RAPGEF6: variants seen among roughly 807,000 people sequenced by gnomAD.
The protein encoded by RAPGEF6 is PDZ domain containing guanine nucleotide exchange factor (GEF) 2.
RAPGEF6 carries 56 observed loss-of-function variants against 171.4 expected under a neutral mutation model. The observed-to-expected ratio is 0.33, with a 90% CI of 0.26 to 0.41. RAPGEF6 has a LOEUF of 0.41. RAPGEF6 is among the 10% of genes least tolerant of loss of function. The probability of loss-of-function intolerance (pLI) is 1.00; values close to 1 mark genes in which losing one functional copy is unlikely to be tolerated. For missense variants in RAPGEF6, 1,674 were observed against 1,921.4 expected (o/e 0.87, Z 2.41); for synonymous variants, 692 against 650.1 (o/e 1.06, Z -0.98).
intron 9 of RAPGEF6, among the ~76,000 whole-genome samples, chr5:131,505,867 C>A (rs1355594419): frequency 6.6e-6 from 1 of 152,160 alleles, no homozygotes; most frequent in African/African-American, 2.4e-5. Flanking sequence ...CCTCTCTGGG[C>A]CTCAGTTTCT....
At chr5:131,588,006 T>A (rs537128833) in intron 4 of RAPGEF6, among the ~76,000 whole-genome samples, 105 of 151,760 alleles carry the variant, frequency 6.9e-4, no homozygotes, top group African/African-American at 1.1e-3. Flanking sequence ...TTTTTTTTTT[T>A]AAATTTTTGT....
chr5:131,447,623 A>T (rs1752806262), intron 21 of RAPGEF6, among the ~76,000 whole-genome samples: 1 of 152,236 alleles, frequency 6.6e-6, no homozygotes, highest in Non-Finnish European at 1.5e-5. Context: ...TTATTTTGCC[A>T]TTCCAAAATA....
At chr5:131,538,407 C>T (rs1759915012) in intron 6 of RAPGEF6, among the ~76,000 whole-genome samples, 1 of 152,126 alleles carries the variant, frequency 6.6e-6, no homozygotes, top group South Asian at 2.1e-4. Flanking sequence ...TGTTACTCTA[C>T]TGAATAATGC....
At chr5:131,430,707 A>AT in intron 26 of RAPGEF6, 152 bp downstream of exon 26, 1 of 1,121,958 alleles carries the variant, frequency 8.9e-7, no homozygotes, top group Non-Finnish European at 1.3e-6. Context: ...GAAACCATGA[A>AT]TTTTTGGGAA....
intron 19 of RAPGEF6, among the ~76,000 whole-genome samples, chr5:131,459,523 A>C (rs1298372441): frequency 6.6e-6 from 1 of 152,066 alleles, no homozygotes; most frequent in Non-Finnish European, 1.5e-5. Flanking sequence ...CTCCAGCAGG[A>C]AAAAAAATAA....
Position 131,551,386 on chromosome 5 carries a change from G to A in RAPGEF6, c.352-3196C>T, listed in dbSNP as rs1017019957. ...AAATTAGCCAGGCGCGGTGGCAGGC[G>A]CTGTAATCCCAGCTACTCGGGAGGC... On this transcript the variant is annotated intron_variant, in intron 5 of 27. Coordinates refer to ENST00000509018, the MANE Select transcript of RAPGEF6 (RefSeq NM_016340.6). Among the ~76,000 whole-genome samples, 8 of 151,622 alleles carry A rather than the reference G, an allele frequency of 5.3e-5. No homozygotes were observed. The South Asian group carries it at 8.3e-4, about 16-fold the overall frequency.
At chr5:131,470,688 AAG>A (rs1754679557) in intron 17 of RAPGEF6, among the ~76,000 whole-genome samples, 1 of 152,244 alleles carries the variant, frequency 6.6e-6, no homozygotes, top group Non-Finnish European at 1.5e-5. Flanking sequence ...CACAGAGACA[AAG>A]AAATAAATTC....
At chr5:131,629,280 G>A (rs1766142374) in intron 1 of RAPGEF6, among the ~76,000 whole-genome samples, 1 of 151,742 alleles carries the variant, frequency 6.6e-6, no homozygotes, top group African/African-American at 2.4e-5. Context: ...AGGAGTTCAA[G>A]ACCAGTCCAG....
chr5:131,611,874 A>G (rs540883680), intron 1 of RAPGEF6, among the ~76,000 whole-genome samples: 4 of 152,260 alleles, frequency 2.6e-5, no homozygotes, highest in African/African-American at 9.6e-5. Context: ...TTCCCAAATT[A>G]TACACTTTCC....
chr5:131,434,746 G>A (rs1181429498), intron 24 of RAPGEF6, among the ~76,000 whole-genome samples: 1 of 152,142 alleles, frequency 6.6e-6, no homozygotes, highest in Non-Finnish European at 1.5e-5. Flanking sequence ...GTATTCTAGG[G>A]ACGCACTGAG....
intron 7 of RAPGEF6, among the ~76,000 whole-genome samples, chr5:131,519,407 TTTC>T (rs1338181037): frequency 6.6e-6 from 1 of 152,112 alleles, no homozygotes; most frequent in Admixed American, 6.5e-5. Context: ...TTTCTTGTCT[TTTC>T]TTCTTTTTTG....
intron 9 of RAPGEF6, among the ~76,000 whole-genome samples, 183 bp from the exon 10 acceptor site, chr5:131,505,705 T>C (rs1196589150): frequency 2.6e-5 from 4 of 152,346 alleles, no homozygotes; most frequent in African/African-American, 9.6e-5. Flanking sequence ...AAGTTTATTT[T>C]TACTCTTTCT....
At chr5:131,442,960 T>A (rs1752479273) in intron 22 of RAPGEF6, among the ~76,000 whole-genome samples, 1 of 151,436 alleles carries the variant, frequency 6.6e-6, no homozygotes, top group Non-Finnish European at 1.5e-5. Context: ...GCTTTTTTTT[T>A]TGTTTTTTTT....
chr5:131,531,726 AAAT>A (rs1308238110), intron 6 of RAPGEF6, among the ~76,000 whole-genome samples: 7 of 152,216 alleles, frequency 4.6e-5, no homozygotes, highest in Middle Eastern at 3.2e-3. Flanking sequence ...TATTAATGAA[AAAT>A]GTCATATAAT....
chr5:131,476,105 T>C (rs1049354533), intron 16 of RAPGEF6, among the ~76,000 whole-genome samples: 1 of 152,194 alleles, frequency 6.6e-6, no homozygotes, highest in Non-Finnish European at 1.5e-5. Flanking sequence ...ACAATCAACA[T>C]TTTGATATTT....
At chr5:131,578,203 T>C (rs1762719815) in intron 4 of RAPGEF6, among the ~76,000 whole-genome samples, 1 of 152,138 alleles carries the variant, frequency 6.6e-6, no homozygotes, top group African/African-American at 2.4e-5. Flanking sequence ...TTAACTTTTC[T>C]ACTCACTCTT....
chr5:131,535,042 A>G (rs1759673501), intron 6 of RAPGEF6, among the ~76,000 whole-genome samples: 1 of 152,128 alleles, frequency 6.6e-6, no homozygotes, highest in South Asian at 2.1e-4. Context: ...GAGAAATGCA[A>G]TCCACTAGTG....
At position 131,635,039 on chromosome 5, in the gene RAPGEF6, C is replaced by A; in HGVS notation, c.-9G>T. ...TCCACGGGTGAGTTCATGGCCACGGCCCGGGTACTCCGCAGCCTGCCCTTA... is the reference window on the plus strand; with the variant it reads ...TCCACGGGTGAGTTCATGGCCACGGACCGGGTACTCCGCAGCCTGCCCTTA... On this transcript the variant is annotated 5_prime_UTR_variant, in exon 1 of 28. Coordinates refer to ENST00000509018, the MANE Select transcript of RAPGEF6 (RefSeq NM_016340.6). 6.2e-7 allele frequency: 1 copy of A among 1,600,732 alleles called. No homozygotes were observed. The highest frequency in any genetic ancestry group is 8.5e-7 in the Non-Finnish European group (1 of 1,170,240).
At chr5:131,547,918 T>C in intron 6 of RAPGEF6, 129 bp downstream of exon 6, 1 of 937,434 alleles carries the variant, frequency 1.1e-6, no homozygotes. Context: ...AAAAAGATTA[T>C]ATATTTACCT....
Sources: gnomAD v4.1 joint callset for allele counts (sites outside exome capture counted in the v4.1 genomes callset) on GRCh38, gnomAD v4.1.1 for gene constraint, MANE v1.5 for transcripts, NCBI Gene and HGNC (gene_info 2026-07-23, HGNC 2026-07-21) for gene names.